The following ZNF718 variants were observed in gnomAD, a reference collection of about 807,000 sequenced individuals.
ZNF718 encodes zinc finger protein 718.
In ZNF718, 3 loss-of-function variants were observed where a neutral mutation model predicts 2.6. That is an observed-to-expected ratio of 1.16 (90% CI 0.53 to 3.01). The LOEUF (loss-of-function observed/expected upper bound fraction) is 3.01. ZNF718 is among the 30% of genes most tolerant of loss of function. The pLI is 0.03. For synonymous variants in ZNF718, 135 were observed against 77.9 expected (o/e 1.73, Z -3.86); for missense variants, 468 against 230.0 (o/e 2.03, Z -6.69).
intron 3 of ZNF718, among the ~76,000 whole-genome samples, chr4:135,619 T>G (rs1452101823): frequency 6.6e-6 from 1 of 151,334 alleles, no homozygotes; most frequent in Non-Finnish European, 1.5e-5. Flanking sequence ...ACGGTTTAGC[T>G]TAGTGATTTT....
At chr4:177,542 T>C (rs1175921557) in intron 3 of ZNF718, among the ~76,000 whole-genome samples, 1 of 152,134 alleles carries the variant, frequency 6.6e-6, no homozygotes, top group African/African-American at 2.4e-5. Context: ...TGTCTTCCTT[T>C]TTCTCCTTTT....
Position 160,976 on chromosome 4 carries a change from A to G in ZNF718, c.291A>G (p.Lys97=). The G allele has an allele frequency of 1.3e-6, 1 of 780,984 alleles. No homozygotes were observed. The highest frequency in any genetic ancestry group is 2.4e-6 in the Non-Finnish European group (1 of 418,100). 48.4% of individuals were successfully genotyped at this position (780,984 alleles called of 1,614,324 possible). A position where few individuals can be genotyped will look rare whatever the true frequency, so the allele number is the denominator to read the frequency against. Residue 97 remains lysine (K), a synonymous_variant, in exon 4 of 4, where the codon AAA becomes AAG. Coordinates refer to ENST00000510175, the MANE Select transcript of ZNF718 (RefSeq NM_001039127.6). ...AGGGCATAGAAGATTCATTCCACAA[A>G]CTTATACCAAAAGGACATGAGAAAC... The part of the protein sequence containing the change: ...TVQGIEDSFH[K]LIPKGHEKRG...
At chr4:191,684 A>G (rs1401944526) in intron 3 of ZNF718, among the ~76,000 whole-genome samples, 1 of 152,226 alleles carries the variant, frequency 6.6e-6, no homozygotes. Flanking sequence ...GGAAATGGAC[A>G]CTTACCAGCA....
At chr4:153,706 C>T (rs1278029953) in intron 3 of ZNF718, among the ~76,000 whole-genome samples, 2 of 151,968 alleles carry the variant, frequency 1.3e-5, no homozygotes, top group Non-Finnish European at 2.9e-5. Context: ...TTAAGAAACT[C>T]AACAAATTAG....
intron 3 of ZNF718, among the ~76,000 whole-genome samples, chr4:134,770 A>G (rs758711683): frequency 6.6e-6 from 1 of 151,660 alleles, no homozygotes; most frequent in African/African-American, 2.4e-5. Context: ...GTTTGTTGTT[A>G]CTATTTGGAA....
chr4:143,853 A>G (rs1335423403), intron 3 of ZNF718, among the ~76,000 whole-genome samples: 5 of 152,076 alleles, frequency 3.3e-5, no homozygotes, highest in East Asian at 1.9e-4. Context: ...GTGATCCCCA[A>G]TAGACAGGGA....
Position 161,749 on chromosome 4 carries a change from C to T in ZNF718, c.1064C>T (p.Thr355Met), listed in dbSNP as rs377670108. ...GKSFNRSTTL[T>M]THKRIHTGEK... Reference sequence around the variant, plus strand: ...TCCTTTAATAGGTCCACAACTCTTACGACACATAAGAGAATCCATACTGGA... The same window carrying T: ...TCCTTTAATAGGTCCACAACTCTTATGACACATAAGAGAATCCATACTGGA... The change falls in exon 4 of 4, where the codon ACG becomes ATG. Residue 355 changes from threonine (T) to methionine (M), a missense_variant. Physicochemically the swap from Thr to Met is moderately conservative, Grantham distance 81 (BLOSUM62 -1). Coordinates refer to ENST00000510175, the MANE Select transcript of ZNF718 (RefSeq NM_001039127.6). The T allele has an allele frequency of 5.6e-5, 44 of 779,536 alleles. No individual in the cohort carries two copies. Among genetic ancestry groups the T allele is most frequent in the South Asian group, 8.0e-5 (6 of 74,542 alleles). 48.3% of individuals were successfully genotyped at this position (779,536 alleles called of 1,614,324 possible). A position where few individuals can be genotyped will look rare whatever the true frequency, so the allele number is the denominator to read the frequency against.
In ZNF718 at chr4:161,051, G is replaced by A. The variant is rs1553814841; in HGVS notation, c.366G>A (p.Lys122=). Residue 122 remains lysine, a synonymous_variant, in exon 4 of 4, where the codon AAG becomes AAA. Transcript: ENST00000510175. ...RKTCKSINEC[K]VQKGGYNRIN... ...CTTGTAAAAGTATAAATGAGTGTAA[G>A]GTGCAGAAAGGTGGTTATAATAGAA... is the stretch of plus-strand genomic sequence containing the variant. The A allele has an allele frequency of 1.3e-6, 1 of 780,122 alleles. No individual in the cohort carries two copies. The allele number at this position is 780,122 out of a possible 1,614,324, so 48.3% of individuals were successfully genotyped here. A position where few individuals can be genotyped will look rare whatever the true frequency, so the allele number is the denominator to read the frequency against.
intron 3 of ZNF718, among the ~76,000 whole-genome samples, chr4:155,205 C>A (rs986339933): frequency 3.9e-5 from 6 of 152,086 alleles, no homozygotes; most frequent in African/African-American, 9.7e-5. Context: ...AGAACCTCTG[C>A]TAGGGCAGTG....
chr4:134,444 A>C lies in ZNF718; in HGVS notation c.226+2939A>C, dbSNP rs116734895. ...CAGGCGTGAGCCACCGTGCCCAGCC[A>C]ATCAGTGTTAAAGTTGTTTAAGGTT... On this transcript the variant is annotated intron_variant, in intron 3 of 3. Coordinates refer to ENST00000510175, the MANE Select transcript of ZNF718 (RefSeq NM_001039127.6). 2.0e-3 allele frequency among the ~76,000 whole-genome samples: 304 copies of C among 152,332 alleles called. 1 individual carries two copies. Among genetic ancestry groups the C allele is most frequent in the African/African-American group, 6.6e-3 (275 of 41,578 alleles).
In ZNF718 at chr4:138,015, T is replaced by C. The variant is rs566638230; in HGVS notation, c.226+6510T>C. Among the ~76,000 whole-genome samples the C allele has an allele frequency of 2.5e-4, 38 of 152,334 alleles. No individual in the cohort carries two copies. In the South Asian group the frequency reaches 4.8e-3, roughly 19 times the overall value. The stretch of plus-strand genomic sequence containing the variant: ...GTTCAGGATTTTAAATTTTTATGAG[T>C]ACACAGTAGCTTTTTGTATCTATGG... On this transcript the variant is annotated intron_variant, in intron 3 of 3. Coordinates refer to ENST00000510175, the MANE Select transcript of ZNF718 (RefSeq NM_001039127.6).
intron 3 of ZNF718, among the ~76,000 whole-genome samples, chr4:157,057 C>T (rs782773561): frequency 3.3e-5 from 5 of 150,980 alleles, no homozygotes; most frequent in Non-Finnish European, 7.4e-5. Context: ...GTGATGCCTC[C>T]AACATTGTTG....
chr4:180,962 T>G (rs999032760), intron 3 of ZNF718, among the ~76,000 whole-genome samples: 10 of 152,286 alleles, frequency 6.6e-5, no homozygotes, highest in Non-Finnish European at 1.5e-4. Context: ...ATATTTTGTC[T>G]TTTGTATTCA....
At chr4:200,974 T>C (rs1717887529) in intron 3 of ZNF718, 1 of 152,428 alleles carries the variant, frequency 6.6e-6, no homozygotes, top group Admixed American at 6.5e-5. Flanking sequence ...GAAATATAAA[T>C]TTGACACGCA....
downstream of ZNF718, among the ~76,000 whole-genome samples, chr4:168,803 G>C (rs577225107): frequency 1.1e-3 from 163 of 152,168 alleles, 2 homozygotes; most frequent in African/African-American, 3.7e-3. Flanking sequence ...CAAAAAACCA[G>C]CTCCTGGATT....
intron 3 of ZNF718, among the ~76,000 whole-genome samples, chr4:180,134 G>A (rs533927907): frequency 6.6e-6 from 1 of 152,296 alleles, no homozygotes; most frequent in South Asian, 2.1e-4. Context: ...AGCCAGCAGG[G>A]CCTCCTGGGA....
intron 3 of ZNF718, among the ~76,000 whole-genome samples, chr4:197,177 A>G (rs1460514128): frequency 7.2e-5 from 11 of 152,060 alleles, no homozygotes; most frequent in Non-Finnish European, 1.3e-4. Context: ...GGGAGTTGAC[A>G]TGTCCTTTAC....
chr4:124,773 C>T, intron 1 of ZNF718, 100 bp downstream of exon 1: 1 of 1,518,156 alleles, frequency 6.6e-7, no homozygotes, highest in East Asian at 2.3e-5. Flanking sequence ...AGTTCCCGCT[C>T]AGCCCTCTGT....
upstream of ZNF718, chr4:124,497 G>T (rs1213487696): frequency 3.6e-6 from 3 of 822,240 alleles, no homozygotes; most frequent in African/African-American, 3.4e-5. Context: ...CCGGGATCTG[G>T]CGCGGCTTTT....
Sources: gnomAD v4.1 joint callset for allele counts (sites outside exome capture counted in the v4.1 genomes callset) on GRCh38, gnomAD v4.1.1 for gene constraint, MANE v1.5 for transcripts, NCBI Gene and HGNC (gene_info 2026-07-23, HGNC 2026-07-21) for gene names.